FER: variants seen among roughly 807,000 people sequenced by gnomAD.
The protein encoded by FER is FER tyrosine kinase.
In FER, 63 loss-of-function variants were observed where a neutral mutation model predicts 111.0. The ratio of observed to expected loss-of-function variants is 0.57; its 90% CI spans 0.46 to 0.70. The LOEUF (loss-of-function observed/expected upper bound fraction) is 0.70. Among genes scored for constraint, FER ranks in the 30% least tolerant of loss-of-function variants. The pLI, the probability that FER is intolerant of heterozygous loss-of-function variation, is 0.00. For synonymous variants in FER, 327 were observed against 313.9 expected (o/e 1.04, Z -0.44); for missense variants, 914 against 954.0 (o/e 0.96, Z 0.55).
At chr5:108,969,523 A>G (rs547292983) in intron 13 of FER, among the ~76,000 whole-genome samples, 2 of 152,304 alleles carry the variant, frequency 1.3e-5, no homozygotes, top group South Asian at 2.1e-4. Flanking sequence ...ACAATAAACA[A>G]TAACAGATTA....
chr5:108,922,733 G>T (rs2149555899), intron 10 of FER, among the ~76,000 whole-genome samples: 1 of 152,188 alleles, frequency 6.6e-6, no homozygotes, highest in Non-Finnish European at 1.5e-5. Context: ...GTTACAGTTA[G>T]GGAAAAATGA....
At chr5:109,008,343 A>G (rs145467138) in intron 13 of FER, among the ~76,000 whole-genome samples, 29 of 152,152 alleles carry the variant, frequency 1.9e-4, no homozygotes, top group Middle Eastern at 3.4e-3. Context: ...TCCCACAGCT[A>G]TTTCCAACCT....
chr5:108,835,338 T>C (rs1011098958), intron 4 of FER, among the ~76,000 whole-genome samples: 4 of 151,828 alleles, frequency 2.6e-5, no homozygotes, highest in Admixed American at 6.6e-5. Context: ...TGCGCCACCA[T>C]AGCCTGGCTC....
chr5:108,939,502 C>G (rs1165151871), intron 10 of FER, among the ~76,000 whole-genome samples: 1 of 151,946 alleles, frequency 6.6e-6, no homozygotes, highest in Non-Finnish European at 1.5e-5. Flanking sequence ...GATTTGTTTT[C>G]ATTTCGCAGC....
chr5:109,158,266 C>T (rs1166987692), intron 17 of FER, among the ~76,000 whole-genome samples: 1 of 151,812 alleles, frequency 6.6e-6, no homozygotes, highest in African/African-American at 2.4e-5. Flanking sequence ...GCCTGTAGGT[C>T]CCATATACTG....
intron 13 of FER, among the ~76,000 whole-genome samples, chr5:108,985,769 A>G (rs1762502288): frequency 6.6e-6 from 1 of 152,158 alleles, no homozygotes; most frequent in Admixed American, 6.5e-5. Context: ...CCATTATTTT[A>G]TTCTGTTTTA....
intron 14 of FER, among the ~76,000 whole-genome samples, chr5:109,039,373 C>T (rs1351732318): frequency 6.6e-6 from 1 of 152,104 alleles, no homozygotes; most frequent in African/African-American, 2.4e-5. Flanking sequence ...GCATGTTTTA[C>T]AGTTTCAATG....
At chr5:108,994,707 G>A (rs1561739310) in intron 13 of FER, among the ~76,000 whole-genome samples, 1 of 152,120 alleles carries the variant, frequency 6.6e-6, no homozygotes, top group African/African-American at 2.4e-5. Context: ...GGGCAGTATG[G>A]CCTTTTTTAT....
chr5:109,187,215 T>TA (rs1758975546), intron 19 of FER, among the ~76,000 whole-genome samples: 1 of 152,160 alleles, frequency 6.6e-6, no homozygotes, highest in Non-Finnish European at 1.5e-5. Flanking sequence ...AATGAACAAA[T>TA]AAAAAATGTT....
intron 17 of FER, among the ~76,000 whole-genome samples, chr5:109,132,809 ATC>A (rs1477977513): frequency 6.6e-6 from 1 of 152,206 alleles, no homozygotes; most frequent in Non-Finnish European, 1.5e-5. Context: ...CTGTCACATC[ATC>A]TGAGCCCAAA....
chr5:109,063,867 G>A (rs1160279171), intron 16 of FER, among the ~76,000 whole-genome samples: 1 of 152,062 alleles, frequency 6.6e-6, no homozygotes, highest in Non-Finnish European at 1.5e-5. Context: ...GGGAGAATGA[G>A]TACTTTTTTT....
At chr5:109,023,136 A>T (rs1768161310) in intron 13 of FER, among the ~76,000 whole-genome samples, 2 of 152,166 alleles carry the variant, frequency 1.3e-5, no homozygotes, top group South Asian at 4.1e-4. Flanking sequence ...CTTAACTGGT[A>T]GGAGTAGAGA....
At chr5:109,047,330 G>C in intron 16 of FER, 132 bp downstream of exon 16, 1 of 576,746 alleles carries the variant, frequency 1.7e-6, no homozygotes, top group East Asian at 3.1e-5. Context: ...GATAACAAAA[G>C]AGTCTGTACC....
chr5:108,847,950 C>T (rs7734770), intron 5 of FER, among the ~76,000 whole-genome samples: 2 of 151,950 alleles, frequency 1.3e-5, no homozygotes, highest in South Asian at 2.1e-4. Context: ...AGTGGTGGTG[C>T]GATCATAGCT....
chr5:109,047,825 A>AAAG (rs35826645), intron 16 of FER, among the ~76,000 whole-genome samples: 28,574 of 152,098 alleles, frequency 0.19, 2,827 homozygotes, highest in Non-Finnish European at 0.22. Context: ...GGACAAACAA[A>AAAG]AAGGTGATCA....
chr5:108,907,487 GT>G (rs1750954849), intron 10 of FER, among the ~76,000 whole-genome samples: 1 of 151,864 alleles, frequency 6.6e-6, no homozygotes. Context: ...TAGAGACGGG[GT>G]TTTATCATCT....
rs1759407094 is a variant in FER, at chr5:109,191,855, G to T, written c.*4280G>T. ...TGAAGATACTGATTTTAAAAGTCAG[G>T]ATTTCATGTACCAAGAATGACCTAC... On this transcript the variant is annotated 3_prime_UTR_variant, in exon 20 of 20. Coordinates refer to ENST00000281092, the MANE Select transcript of FER (RefSeq NM_005246.4). 6.6e-6 allele frequency: 1 copy of T among 151,892 alleles called. No homozygotes were observed. Among genetic ancestry groups the T allele is most frequent in the South Asian group, 2.1e-4 (1 of 4,808 alleles). 9.4% of individuals were successfully genotyped at this position (151,892 alleles called of 1,614,324 possible). A position where few individuals can be genotyped will look rare whatever the true frequency, so the allele number is the denominator to read the frequency against.
At chr5:108,939,413 G>T (rs906269346) in intron 10 of FER, among the ~76,000 whole-genome samples, 2 of 152,046 alleles carry the variant, frequency 1.3e-5, no homozygotes, top group African/African-American at 4.8e-5. Flanking sequence ...AGTTACCCAA[G>T]TTGGATTAGT....
At chr5:108,879,699 AAAATATATAT>A (rs1289815752) in intron 8 of FER, among the ~76,000 whole-genome samples, 1 of 93,526 alleles carries the variant, frequency 1.1e-5, no homozygotes, top group Non-Finnish European at 2.1e-5. Flanking sequence ...AGATTAAAAA[AAAATATATAT>A]ATATATATAT....
Sources: gnomAD v4.1 joint callset for allele counts (sites outside exome capture counted in the v4.1 genomes callset) on GRCh38, gnomAD v4.1.1 for gene constraint, MANE v1.5 for transcripts, NCBI Gene and HGNC (gene_info 2026-07-23, HGNC 2026-07-21) for gene names.